The following MUC3A variants were observed in gnomAD, a reference collection of about 807,000 sequenced individuals.
The protein encoded by MUC3A is mucin-3A.
A neutral mutation model predicts 109.0 loss-of-function variants in MUC3A; 109 were observed. The observed-to-expected ratio is 1.00, with a 90% CI of 0.86 to 1.17. MUC3A has a LOEUF of 1.17. Ranked by LOEUF, MUC3A falls within the 50% of genes most tolerant of loss-of-function variation. The pLI is 0.00. For synonymous variants in MUC3A, 1,398 were observed against 981.4 expected, an observed-to-expected ratio of 1.42 and a Z score of -7.93; for missense variants, 3,537 against 2,469.4, an observed-to-expected ratio of 1.43 and a Z score of -9.16.
In MUC3A at chr7:100,963,635, T is replaced by C. The variant is rs1792417871; in HGVS notation, c.9169-53T>C. 2.2e-5 allele frequency: 35 copies of C among 1,598,006 alleles called. No individual in the cohort carries two copies. The South Asian group carries it at 3.5e-4, about 16-fold the overall frequency. On this transcript the variant is annotated intron_variant, in intron 4 of 11. Coordinates refer to ENST00000379458, the MANE Select transcript of MUC3A (RefSeq NM_005960.2). ...CTGGAGCTGGGGTTGGGCGTCTGGG[T>C]CCCCTCAGGTCTGCAGGTTCGGACG...
At position 100,957,084 on chromosome 7, in the gene MUC3A, T is replaced by A; in HGVS notation, c.5305T>A (p.Ser1769Thr). ...TCCCCCCATCACTTCTTCAATCACC[T>A]CCACATATACGGTGACTTCGATGAC... is the stretch of plus-strand genomic sequence containing the variant. ...STPPITSSIT[S>T]TYTVTSMTTT... Residue 1769 changes from serine to threonine, a missense_variant, in exon 2 of 12, where the codon TCC (serine) becomes ACC (threonine). By Grantham distance (58) the Ser-to-Thr change is moderately conservative (BLOSUM62 1). Transcript: ENST00000379458. The A allele has an allele frequency of 2.1e-6, 1 of 473,950 alleles. No individual in the cohort carries two copies. The highest frequency in any genetic ancestry group is 3.7e-6 in the Non-Finnish European group (1 of 269,770). The allele number at this position is 473,950 out of a possible 1,614,324, so 29.4% of individuals were successfully genotyped here. A position where few individuals can be genotyped will look rare whatever the true frequency, so the allele number is the denominator to read the frequency against.
At chr7:100,960,679 C>T (rs751546791) in intron 2 of MUC3A, 34 bp downstream of exon 2, 3 of 1,592,602 alleles carry the variant, frequency 1.9e-6, no homozygotes, top group East Asian at 2.2e-5. Context: ...CCCCTCCTTC[C>T]TCCCCTGCAA....
chr7:100,964,955 G>A, intron 6 of MUC3A, 112 bp downstream of exon 6: 1 of 1,454,500 alleles, frequency 6.9e-7, no homozygotes, highest in Non-Finnish European at 9.1e-7. Flanking sequence ...CCTCTGGCAG[G>A]TTGGGAGAAG....
Position 100,960,299 on chromosome 7 carries a change from C to A in MUC3A, c.8520C>A (p.Ser2840=). The part of the protein sequence containing the change: ...DTSSMMPESE[S]SISPNASSST... The stretch of plus-strand genomic sequence containing the variant: ...CTTCCATGATGCCAGAAAGTGAGTC[C>A]AGCATCTCACCCAATGCTTCCAGTT... Residue 2840 remains serine, a synonymous_variant, in exon 2 of 12, where the codon TCC becomes TCA. Transcript: ENST00000379458. The A allele has an allele frequency of 1.3e-6, 2 of 1,598,556 alleles. No homozygotes were observed. Among genetic ancestry groups the A allele is most frequent in the African/African-American group, 1.3e-5 (1 of 75,086 alleles).
intron 6 of MUC3A, 125 bp downstream of exon 6, chr7:100,964,968 G>A (rs1792473208): frequency 1.4e-6 from 2 of 1,409,940 alleles, no homozygotes; most frequent in Non-Finnish European, 9.4e-7. Context: ...GGGAGAAGGG[G>A]AATAAGTCCA....
chr7:100,964,605 C>G, intron 5 of MUC3A, 90 bp from the exon 6 acceptor site: 1 of 1,504,272 alleles, frequency 6.6e-7, no homozygotes. Context: ...CTTCCCCCTT[C>G]TGGTGCACTT....
At chr7:100,965,955 G>A in intron 8 of MUC3A, 89 bp downstream of exon 8, 1 of 1,484,254 alleles carries the variant, frequency 6.7e-7, no homozygotes, top group Non-Finnish European at 8.9e-7. Context: ...CCGGCTCCGC[G>A]CCCTGGGCCT....
intron 10 of MUC3A, 30 bp from the exon 11 acceptor site, chr7:100,966,869 T>C: frequency 1.3e-6 from 2 of 1,598,248 alleles, no homozygotes; most frequent in Non-Finnish European, 1.7e-6. Context: ...CCCTCTCCCC[T>C]TCTCTTTCTC....
chr7:100,960,613 T>A lies in MUC3A; in HGVS notation c.8834T>A (p.Met2945Lys). 1 of 1,598,538 alleles carries A rather than the reference T, an allele frequency of 6.3e-7. No individual in the cohort carries two copies. The highest frequency in any genetic ancestry group is 8.5e-7 in the Non-Finnish European group (1 of 1,179,708). The change falls in exon 2 of 12, where the codon ATG becomes AAG. Residue 2945 changes from methionine to lysine, a missense_variant. By Grantham distance (95) the Met-to-Lys change is moderately conservative. Transcript: ENST00000379458. ...SRRTTRITSQ[M>K]TTQSTLTTTA... is the part of the protein sequence containing the mutation. ...AGGACAACTCGCATCACTTCTCAGATGACCACACAGTCCACGTTGACCACC... is the reference window on the plus strand; with the variant it reads ...AGGACAACTCGCATCACTTCTCAGAAGACCACACAGTCCACGTTGACCACC...
intron 1 of MUC3A, among the ~76,000 whole-genome samples, chr7:100,951,403 G>A (rs1053204298): frequency 6.6e-6 from 1 of 152,136 alleles, no homozygotes; most frequent in Non-Finnish European, 1.5e-5. Context: ...CCAGACAGCA[G>A]CAGGGTGCCG....
intron 7 of MUC3A, 58 bp from the exon 8 acceptor site, chr7:100,965,646 C>T: frequency 1.3e-6 from 2 of 1,557,868 alleles, no homozygotes; most frequent in Non-Finnish European, 1.7e-6. Context: ...CGTTATCAGG[C>T]CCCTGAATAG....
In MUC3A at chr7:100,960,778, G is replaced by A. The variant is rs2116205032; in HGVS notation, c.8893G>A (p.Glu2965Lys). ...CACCTGTGACAATGGTGGCACCTGGGAACAGGGCCAGTGTGCTTGCCTTCC... is the reference window on the plus strand; with the variant it reads ...CACCTGTGACAATGGTGGCACCTGGAAACAGGGCCAGTGTGCTTGCCTTCC... ...AGTCDNGGTWEQGQCACLPGF... is the reference protein window; with the variant it reads ...AGTCDNGGTWKQGQCACLPGF... Residue 2965 changes from glutamate (E) to lysine (K), a missense_variant, in exon 3 of 12, where the codon GAA becomes AAA. Glu to Lys is a moderately conservative substitution (Grantham distance 56). Transcript: ENST00000379458. 6.3e-7 allele frequency: 1 copy of A among 1,598,320 alleles called. No individual in the cohort carries two copies. The highest frequency in any genetic ancestry group is 8.5e-7 in the Non-Finnish European group (1 of 1,179,714).
chr7:100,956,922 C>T lies in MUC3A; in HGVS notation c.5143C>T (p.Pro1715Ser). The change falls in exon 2 of 12, where the codon CCT becomes TCT. Residue 1715 changes from proline (P) to serine (S), a missense_variant. Transcript: ENST00000379458. ...CACAACATTTACAAAGATGGAAACACCTTCATCCACTGTAGCAACTACAGG... is the reference window on the plus strand; with the variant it reads ...CACAACATTTACAAAGATGGAAACATCTTCATCCACTGTAGCAACTACAGG... ...SFTTFTKMET[P>S]SSTVATTGTG... is the part of the protein sequence containing the mutation. 1 of 415,138 alleles carries T rather than the reference C, an allele frequency of 2.4e-6. No homozygotes were observed. Among genetic ancestry groups the T allele is most frequent in the Non-Finnish European group, 4.2e-6 (1 of 237,240 alleles). 25.7% of individuals were successfully genotyped at this position (415,138 alleles called of 1,614,324 possible).
rs1584800879 is a variant in MUC3A at position 100,954,586 on chromosome 7, C to T, written c.2807C>T (p.Thr936Ile). 5 of 400,966 alleles carry T rather than the reference C, an allele frequency of 1.2e-5. No homozygotes were observed. The East Asian group carries it at 1.8e-4, about 14-fold the overall frequency. 24.8% of individuals were successfully genotyped at this position (400,966 alleles called of 1,614,324 possible). The part of the protein sequence containing the change: ...SISSPRGTTS[T>I]LHTTVESTPS... Reference sequence around the variant, plus strand: ...TCCTCACCTCGAGGCACCACCAGTACACTCCACACAACAGTTGAATCCACC... The same window carrying T: ...TCCTCACCTCGAGGCACCACCAGTATACTCCACACAACAGTTGAATCCACC... The change falls in exon 2 of 12, where the codon ACA becomes ATA. Residue 936 changes from threonine (T) to isoleucine (I), a missense_variant. Coordinates refer to ENST00000379458, the MANE Select transcript of MUC3A (RefSeq NM_005960.2).
At position 100,967,355 on chromosome 7, in the gene MUC3A, C is replaced by T. The variant is rs2116231903; in HGVS notation, c.*193C>T. The T allele has an allele frequency of 1.2e-6, 1 of 833,576 alleles. No homozygotes were observed. The highest frequency in any genetic ancestry group is 1.8e-5 in the South Asian group (1 of 56,708). The allele number at this position is 833,576 out of a possible 1,614,324, so 51.6% of individuals were successfully genotyped here. A position where few individuals can be genotyped will look rare whatever the true frequency, so the allele number is the denominator to read the frequency against. On this transcript the variant is annotated 3_prime_UTR_variant, in exon 12 of 12. Coordinates refer to ENST00000379458, the MANE Select transcript of MUC3A (RefSeq NM_005960.2). ...CTGAAACCCACCTGGAGACGCAGTTCACGTCCAGGCTCTTCCACTGTGGAA... is the reference window on the plus strand; with the variant it reads ...CTGAAACCCACCTGGAGACGCAGTTTACGTCCAGGCTCTTCCACTGTGGAA...
Position 100,952,021 on chromosome 7 carries a change from C to T in MUC3A, c.242C>T (p.Ser81Phe), listed in dbSNP as rs1772983406. The T allele has an allele frequency of 1.9e-6, 3 of 1,598,558 alleles. No individual in the cohort carries two copies. Among genetic ancestry groups the T allele is most frequent in the South Asian group, 1.1e-5 (1 of 91,088 alleles). ...AATGCACCTATGACACTCACTACCTCCCCCCATGACACACTCATCTCTGAA... is the reference window on the plus strand; with the variant it reads ...AATGCACCTATGACACTCACTACCTTCCCCCATGACACACTCATCTCTGAA... ...RENAPMTLTTSPHDTLISETL... is the reference protein window; with the variant it reads ...RENAPMTLTTFPHDTLISETL... Residue 81 changes from serine (S) to phenylalanine (F), a missense_variant, in exon 2 of 12, where the codon TCC becomes TTC. Transcript: ENST00000379458.
At chr7:100,965,019 C>CA in intron 6 of MUC3A, 176 bp downstream of exon 6, 22 of 1,175,816 alleles carry the variant, frequency 1.9e-5, no homozygotes, top group Non-Finnish European at 2.4e-5. Flanking sequence ...AGGGTCTCCC[C>CA]GTGACCTCGG....
chr7:100,966,491 GC>G lies in MUC3A; in HGVS notation c.9718del (p.Leu3240CysfsTer70). ...TGACGGCCGGCGCCGCGCTGCTGGT[GC>G]TGCTGCTGCTGGCGCTGGGCGTCCG... is the stretch of plus-strand genomic sequence containing the variant. ...GLTAGAALLV[L>X]LLLALGVRAV... On this transcript the variant is annotated frameshift_variant, in exon 9 of 12. Coordinates refer to ENST00000379458, the MANE Select transcript of MUC3A (RefSeq NM_005960.2). LOFTEE classifies it high-confidence loss of function. 19 of 1,308,150 alleles carry G rather than the reference GC, an allele frequency of 1.5e-5. No homozygotes were observed. Among genetic ancestry groups the G allele is most frequent in the Non-Finnish European group, 1.7e-5 (18 of 1,037,352 alleles). The allele number at this position is 1,308,150 out of a possible 1,614,324, so 81.0% of individuals were successfully genotyped here. A position where few individuals can be genotyped will look rare whatever the true frequency, so the allele number is the denominator to read the frequency against.
In MUC3A at chr7:100,956,878, C is replaced by T. The variant is rs1792110132; in HGVS notation, c.5099C>T (p.Pro1700Leu). 2 of 411,830 alleles carry T rather than the reference C, an allele frequency of 4.9e-6. No homozygotes were observed. Among genetic ancestry groups the T allele is most frequent in the East Asian group, 3.5e-5 (1 of 28,280 alleles). The allele number at this position is 411,830 out of a possible 1,614,324, so 25.5% of individuals were successfully genotyped here. ...LHTTAESTPS[P>L]TTTMSFTTFT... ...ACAACAGCTGAATCCACCCCATCAC[C>T]TACAACCACCATGTCATTCACAACA... The change falls in exon 2 of 12, where the codon CCT becomes CTT. Residue 1700 changes from proline (P) to leucine (L), a missense_variant. Coordinates refer to ENST00000379458, the MANE Select transcript of MUC3A (RefSeq NM_005960.2).
Sources: allele counts gnomAD v4.1 joint callset (sites outside exome capture counted in the v4.1 genomes callset), GRCh38; gene constraint gnomAD v4.1.1; transcripts MANE v1.5; gene names NCBI Gene and HGNC (gene_info 2026-07-23, HGNC 2026-07-21).